CEP112: variants seen among roughly 807,000 people sequenced by gnomAD.
The protein encoded by CEP112 is centrosomal protein of 112 kDa.
In CEP112, 127 loss-of-function variants were observed where a neutral mutation model predicts 153.0. The ratio of observed to expected loss-of-function variants is 0.83; its 90% confidence interval spans 0.72 to 0.96. The LOEUF (loss-of-function observed/expected upper bound fraction) is 0.96. CEP112 is among the 40% of genes least tolerant of loss of function. CEP112 has a pLI of 0.00. For missense variants in CEP112, 1,089 were observed against 1,101.2 expected (o/e 0.99, Z 0.16); for synonymous variants, 358 against 374.4 (o/e 0.96, Z 0.51).
intron 4 of CEP112, among the ~76,000 whole-genome samples, chr17:66,141,055 T>G (rs763118159): frequency 2.6e-5 from 4 of 152,170 alleles, no homozygotes; most frequent in Non-Finnish European, 1.5e-5. Flanking sequence ...GAATTCATAT[T>G]ATCTCTGTAT....
intron 11 of CEP112, among the ~76,000 whole-genome samples, chr17:66,055,213 T>C (rs1307806309): frequency 6.6e-6 from 1 of 152,172 alleles, no homozygotes; most frequent in Non-Finnish European, 1.5e-5. Context: ...ATAATTATGA[T>C]AATTGTACTG....
chr17:65,677,092 CCTT>C (rs1000153490), intron 24 of CEP112, among the ~76,000 whole-genome samples: 1 of 152,154 alleles, frequency 6.6e-6, no homozygotes, highest in Non-Finnish European at 1.5e-5. Flanking sequence ...ATTGCAAATT[CCTT>C]CTTATTAATA....
At chr17:66,169,554 GATTA>G (rs2072157508) in intron 4 of CEP112, among the ~76,000 whole-genome samples, 1 of 151,984 alleles carries the variant, frequency 6.6e-6, no homozygotes, top group African/African-American at 2.4e-5. Context: ...AAAGAGCTGG[GATTA>G]CAGGCATAAG....
intron 6 of CEP112, among the ~76,000 whole-genome samples, chr17:66,123,998 T>A (rs1339868066): frequency 6.6e-6 from 1 of 152,204 alleles, no homozygotes; most frequent in Non-Finnish European, 1.5e-5. Context: ...GCGAATTCCA[T>A]CTCTCCTACG....
At chr17:65,735,334 T>C (rs1333064008) in intron 23 of CEP112, among the ~76,000 whole-genome samples, 1 of 152,194 alleles carries the variant, frequency 6.6e-6, no homozygotes, top group Non-Finnish European at 1.5e-5. Context: ...GTTCAGCTCA[T>C]ACTCATACAG....
chr17:65,947,254 T>TAC (rs1555726016), intron 18 of CEP112, among the ~76,000 whole-genome samples: 2 of 151,800 alleles, frequency 1.3e-5, no homozygotes, highest in African/African-American at 4.8e-5. Context: ...ATTATAATCA[T>TAC]ACACCTTTAT....
chr17:65,922,719 C>T (rs2060778991), intron 19 of CEP112, among the ~76,000 whole-genome samples: 1 of 152,186 alleles, frequency 6.6e-6, no homozygotes, highest in South Asian at 2.1e-4. Flanking sequence ...CCCTTCTCCC[C>T]TGTTCCTTCC....
At chr17:65,718,883 A>T (rs2049705665) in intron 23 of CEP112, among the ~76,000 whole-genome samples, 1 of 152,220 alleles carries the variant, frequency 6.6e-6, no homozygotes, top group African/African-American at 2.4e-5. Flanking sequence ...TTTCCACGTG[A>T]AACCTTCAGA....
chr17:65,830,618 C>G (rs4791124), intron 21 of CEP112, among the ~76,000 whole-genome samples: 148,021 of 152,290 alleles, frequency 0.97, 71,999 homozygotes, highest in East Asian at 1. Context: ...AAAGAGACTG[C>G]TTGCTGCTCT....
intron 4 of CEP112, among the ~76,000 whole-genome samples, chr17:66,168,634 C>T (rs1390002912): frequency 3.3e-5 from 5 of 151,854 alleles, no homozygotes; most frequent in African/African-American, 4.8e-5. Flanking sequence ...CCTAGGAGTC[C>T]ATAATAGCCC....
intron 6 of CEP112, among the ~76,000 whole-genome samples, chr17:66,127,154 C>T (rs1351308151): frequency 1.3e-5 from 2 of 152,068 alleles, no homozygotes; most frequent in Non-Finnish European, 2.9e-5. Context: ...TAAAGTATTA[C>T]CTCACAATAT....
At chr17:65,951,016 C>A (rs145114039) in intron 18 of CEP112, among the ~76,000 whole-genome samples, 1,702 of 152,054 alleles carry the variant, frequency 0.011, 35 homozygotes, top group African/African-American at 0.039. Flanking sequence ...TTCCCTTATT[C>A]TATTAATATG....
chr17:65,772,854 A>G (rs2024273), intron 21 of CEP112, among the ~76,000 whole-genome samples: 72,839 of 151,862 alleles, frequency 0.48, 19,163 homozygotes, highest in East Asian at 0.78. Context: ...CCTACATGAG[A>G]GAAGACTTCC....
At chr17:66,180,279 A>G (rs1437391777) in intron 2 of CEP112, among the ~76,000 whole-genome samples, 1 of 151,926 alleles carries the variant, frequency 6.6e-6, no homozygotes, top group Non-Finnish European at 1.5e-5. Flanking sequence ...TATTATTTAA[A>G]TGTTTAGTAA....
At chr17:65,723,191 T>A (rs1358886509) in intron 23 of CEP112, among the ~76,000 whole-genome samples, 1 of 152,158 alleles carries the variant, frequency 6.6e-6, no homozygotes, top group African/African-American at 2.4e-5. Context: ...TAGGTAGACA[T>A]GAACTTACAA....
chr17:65,875,380 C>A (rs897038027), intron 20 of CEP112, among the ~76,000 whole-genome samples: 3 of 152,052 alleles, frequency 2.0e-5, no homozygotes, highest in African/African-American at 7.2e-5. Flanking sequence ...TTAATAAAAC[C>A]ATTACATTAT....
chr17:65,796,956 A>G (rs1386148537), intron 21 of CEP112, among the ~76,000 whole-genome samples: 5 of 151,144 alleles, frequency 3.3e-5, no homozygotes, highest in African/African-American at 1.2e-4. Flanking sequence ...TGGGAGCCTG[A>G]GGTAGGAGGA....
intron 21 of CEP112, among the ~76,000 whole-genome samples, chr17:65,776,295 T>C (rs908517385): frequency 2.0e-5 from 3 of 152,126 alleles, no homozygotes; most frequent in East Asian, 1.9e-4. Context: ...AGTGCAGTGG[T>C]GCAATCTCGG....
At chr17:66,176,704 A>G in intron 3 of CEP112, 126 bp downstream of exon 3, 1 of 625,216 alleles carries the variant, frequency 1.6e-6, no homozygotes, top group Middle Eastern at 4.8e-4. Flanking sequence ...CAGGAAGAAA[A>G]AAAACAATTT....
Sources: allele counts gnomAD v4.1 joint callset (sites outside exome capture counted in the v4.1 genomes callset), GRCh38; gene constraint gnomAD v4.1.1; transcripts MANE v1.5; gene names NCBI Gene and HGNC (gene_info 2026-07-23, HGNC 2026-07-21).